The following STAM variants were observed in gnomAD, a reference collection of about 807,000 sequenced individuals.
STAM encodes the protein signal transducing adaptor molecule, also known as signal transducing adapter molecule 1.
STAM carries 16 observed loss-of-function variants against 63.4 expected under a neutral mutation model. The ratio of observed to expected loss-of-function variants is 0.25; its 90% CI spans 0.17 to 0.38. The LOEUF (loss-of-function observed/expected upper bound fraction) is 0.38. Ranked by LOEUF, STAM falls within the 10% of genes least tolerant of loss-of-function variation. The pLI, the probability that STAM is intolerant of heterozygous loss-of-function variation, is 1.00. For synonymous variants in STAM, 238 were observed against 223.9 expected, an observed-to-expected ratio of 1.06 and a Z score of -0.56; for missense variants, 636 against 657.1, an observed-to-expected ratio of 0.97 and a Z score of 0.35.
intron 2 of STAM, among the ~76,000 whole-genome samples, chr10:17,675,676 G>T (rs1344202782): frequency 6.6e-6 from 1 of 152,096 alleles, no homozygotes; most frequent in Non-Finnish European, 1.5e-5. Context: ...ATGAAGCAGG[G>T]TCAGTCTCTT....
chr10:17,651,913 G>C (rs2255657), intron 1 of STAM, among the ~76,000 whole-genome samples: 92,134 of 152,036 alleles, frequency 0.61, 28,703 homozygotes, highest in African/African-American at 0.75. Context: ...CTTTGACAGT[G>C]ATAAATTTTG....
At chr10:17,644,770 A>G (rs1833455392) in intron 1 of STAM, among the ~76,000 whole-genome samples, 1 of 152,236 alleles carries the variant, frequency 6.6e-6, no homozygotes, top group Non-Finnish European at 1.5e-5. Context: ...TTGCCTAGAC[A>G]AATAAATGTT....
chr10:17,657,730 T>G (rs1412180153), intron 1 of STAM, among the ~76,000 whole-genome samples: 1 of 152,178 alleles, frequency 6.6e-6, no homozygotes, highest in Non-Finnish European at 1.5e-5. Context: ...ATCTAGGTTA[T>G]CAATTTTGTG....
At position 17,695,090 on chromosome 10, in the gene STAM, A is replaced by G. The variant is rs781788116; in HGVS notation, c.577A>G (p.Thr193Ala). Residue 193 changes from threonine (T) to alanine (A), a missense_variant, in exon 7 of 14, where the codon ACC (threonine) becomes GCC (alanine). Physicochemically the swap from Thr to Ala is moderately conservative, Grantham distance 58. Around this residue, in one of 3 missense-constraint regions of STAM, gnomAD observed 532 missense variants for 536.9 expected, o/e 0.99. Coordinates refer to ENST00000377524, the MANE Select transcript of STAM (RefSeq NM_003473.4). ...CAAGGAACAAAGGCAGCAGTCAACCACCCTTTCCACTTTGTATCCAAGCAC... is the reference window on the plus strand; with the variant it reads ...CAAGGAACAAAGGCAGCAGTCAACCGCCCTTTCCACTTTGTATCCAAGCAC... ...SLKEQRQQST[T>A]LSTLYPSTSS... The G allele has an allele frequency of 7.6e-5, 123 of 1,613,800 alleles. No homozygotes were observed. The highest frequency in any genetic ancestry group is 1.0e-4 in the Non-Finnish European group (118 of 1,179,912).
rs980637884 is a variant in STAM, at chr10:17,715,734, A to C, written c.*954A>C. ...ATAGAGGCAATGGATAGAAATTTTT[A>C]AACTGGAAAGAAAACCTGAATTACA... is the stretch of plus-strand genomic sequence containing the variant. On this transcript the variant is annotated 3_prime_UTR_variant, in exon 14 of 14. Transcript: ENST00000377524. 2 of 152,746 alleles carry C rather than the reference A, an allele frequency of 1.3e-5. No homozygotes were observed. The highest frequency in any genetic ancestry group is 1.9e-4 in the East Asian group (1 of 5,194). 9.5% of individuals were successfully genotyped at this position (152,746 alleles called of 1,614,324 possible).
intron 2 of STAM, among the ~76,000 whole-genome samples, chr10:17,667,986 TA>T (rs1284840556): frequency 6.6e-6 from 1 of 152,232 alleles, no homozygotes; most frequent in Non-Finnish European, 1.5e-5. Flanking sequence ...TAGGATCCTT[TA>T]AATTAAAACT....
chr10:17,668,872 T>C (rs1479694864), intron 2 of STAM, among the ~76,000 whole-genome samples: 1 of 152,248 alleles, frequency 6.6e-6, no homozygotes, highest in African/African-American at 2.4e-5. Context: ...CTGAAGGACA[T>C]CTTGTTGGCT....
chr10:17,678,806 G>A (rs1259170574), intron 2 of STAM, among the ~76,000 whole-genome samples: 2 of 151,922 alleles, frequency 1.3e-5, no homozygotes, highest in African/African-American at 4.8e-5. Flanking sequence ...CTAGCCACTA[G>A]TTACTTTTTT....
chr10:17,693,317 G>A lies in STAM; in HGVS notation c.535+5G>A, dbSNP rs903608260. The A allele has an allele frequency of 2.2e-5, 36 of 1,605,386 alleles. No homozygotes were observed. The highest frequency in any genetic ancestry group is 2.6e-5 in the Non-Finnish European group (31 of 1,177,292). ...AAGAAGAAGATTTAGCAAAAGGTGC[G>A]TTTTTAAGTCCCTGATGGTGGGAAT... On this transcript the variant is annotated splice_donor_5th_base_variant and intron_variant, in intron 6 of 13. Coordinates refer to ENST00000377524, the MANE Select transcript of STAM (RefSeq NM_003473.4).
chr10:17,678,479 C>G (rs532225732), intron 2 of STAM, among the ~76,000 whole-genome samples: 1 of 152,172 alleles, frequency 6.6e-6, no homozygotes, highest in East Asian at 1.9e-4. Context: ...GTCTCGAACT[C>G]CTGATCTCAG....
intron 1 of STAM, among the ~76,000 whole-genome samples, chr10:17,657,041 C>G (rs1454291605): frequency 6.6e-6 from 1 of 152,102 alleles, no homozygotes; most frequent in Non-Finnish European, 1.5e-5. Flanking sequence ...TGTATGCATG[C>G]CCATCGGAGG....
chr10:17,693,112 TC>T (rs1485027952), intron 5 of STAM, 109 bp from the exon 6 acceptor site: 2 of 806,526 alleles, frequency 2.5e-6, no homozygotes, highest in African/African-American at 3.5e-5. Context: ...ATTTCTTCTT[TC>T]AGAAATCTGT....
intron 8 of STAM, among the ~76,000 whole-genome samples, chr10:17,697,562 G>A (rs1390239889): frequency 6.6e-6 from 1 of 152,202 alleles, no homozygotes; most frequent in African/African-American, 2.4e-5. Flanking sequence ...GAGAAAAAGT[G>A]ATACTAGTGG....
Position 17,716,000 on chromosome 10 carries a change from T to C in STAM, c.*1220T>C, listed in dbSNP as rs2131716876. ...GTTGCTCTTTCTGGCCTTTTAAAAT[T>C]CTAATGGAATTATTTTGGCTTCTTA... On this transcript the variant is annotated 3_prime_UTR_variant, in exon 14 of 14. Transcript: ENST00000377524. 1 of 152,724 alleles carries C rather than the reference T, an allele frequency of 6.5e-6. No homozygotes were observed. Among genetic ancestry groups the C allele is most frequent in the Non-Finnish European group, 1.5e-5 (1 of 67,994 alleles). 9.5% of individuals were successfully genotyped at this position (152,724 alleles called of 1,614,324 possible). A position where few individuals can be genotyped will look rare whatever the true frequency, so the allele number is the denominator to read the frequency against.
intron 2 of STAM, chr10:17,673,125 A>G (rs1334181250): frequency 8.2e-6 from 6 of 731,256 alleles, no homozygotes; most frequent in Non-Finnish European, 6.7e-6. Flanking sequence ...GCACGTGCAG[A>G]TTTTCTCTTA....
intron 12 of STAM, among the ~76,000 whole-genome samples, chr10:17,706,156 TTAAAA>T (rs1156975371): frequency 2.0e-5 from 3 of 152,108 alleles, no homozygotes; most frequent in Non-Finnish European, 2.9e-5. Flanking sequence ...ATGTTTAAAA[TTAAAA>T]TAAAGTTTAA....
chr10:17,648,629 C>T (rs944482961), intron 1 of STAM, among the ~76,000 whole-genome samples: 1 of 152,196 alleles, frequency 6.6e-6, no homozygotes, highest in South Asian at 2.1e-4. Flanking sequence ...CCGGACACAT[C>T]ATCACCTTTT....
At chr10:17,648,304 A>G (rs1420277056) in intron 1 of STAM, among the ~76,000 whole-genome samples, 1 of 152,168 alleles carries the variant, frequency 6.6e-6, no homozygotes, top group African/African-American at 2.4e-5. Flanking sequence ...TGTAAAATGC[A>G]CCAATCAGTG....
intron 2 of STAM, among the ~76,000 whole-genome samples, chr10:17,675,716 G>T (rs1262636633): frequency 6.6e-6 from 1 of 152,094 alleles, no homozygotes; most frequent in Non-Finnish European, 1.5e-5. Flanking sequence ...CTAAAGCCTT[G>T]CATAATGCTT....
Sources: allele counts gnomAD v4.1 joint callset (sites outside exome capture counted in the v4.1 genomes callset), GRCh38; gene constraint gnomAD v4.1.1; regional missense constraint gnomAD v4.1.1; transcripts MANE v1.5; gene names NCBI Gene and HGNC (gene_info 2026-07-23, HGNC 2026-07-21).